ENTPD1: variants seen among roughly 807,000 people sequenced by gnomAD.
ENTPD1 encodes ATP diphosphohydrolase.
In ENTPD1, 33 loss-of-function variants were observed where a neutral mutation model predicts 57.0. The ratio of observed to expected loss-of-function variants is 0.58; its 90% CI spans 0.44 to 0.77. ENTPD1 has a LOEUF of 0.77. Among genes scored for constraint, ENTPD1 ranks in the 30% least tolerant of loss-of-function variants. The pLI is 0.00. For missense variants in ENTPD1, 501 were observed against 603.4 expected (o/e 0.83, Z 1.78); for synonymous variants, 202 against 218.8 (o/e 0.92, Z 0.68).
chr10:95,723,870 C>T (rs1426211857), intron 1 of ENTPD1, among the ~76,000 whole-genome samples: 2 of 152,066 alleles, frequency 1.3e-5, no homozygotes, highest in Admixed American at 6.5e-5. Context: ...TGTTAGAAAG[C>T]CCTTTCCCAG....
chr10:95,772,868 T>C (rs2098120099), intron 1 of ENTPD1, among the ~76,000 whole-genome samples: 1 of 152,206 alleles, frequency 6.6e-6, no homozygotes, highest in South Asian at 2.1e-4. Flanking sequence ...GACTTGAAAG[T>C]CAAAATTACT....
intron 1 of ENTPD1, among the ~76,000 whole-genome samples, chr10:95,740,402 G>A (rs569732183): frequency 6.6e-6 from 1 of 152,318 alleles, no homozygotes; most frequent in South Asian, 2.1e-4. Flanking sequence ...TGGGATTACA[G>A]GCGTGAGCCA....
chr10:95,858,567 C>CA (rs1387980420), intron 7 of ENTPD1, among the ~76,000 whole-genome samples: 1 of 152,028 alleles, frequency 6.6e-6, no homozygotes, highest in Non-Finnish European at 1.5e-5. Context: ...ATTGCAGTAT[C>CA]CACACGAGAT....
chr10:95,842,595 G>C, intron 4 of ENTPD1, 101 bp downstream of exon 4: 1 of 1,336,122 alleles, frequency 7.5e-7, no homozygotes, highest in Non-Finnish European at 1.0e-6. Context: ...AATACCCCAA[G>C]TTCTACACAC....
intron 1 of ENTPD1, among the ~76,000 whole-genome samples, chr10:95,769,020 AATCACCAAATGCT>A (rs1333256735): frequency 6.6e-5 from 10 of 152,222 alleles, no homozygotes; most frequent in African/African-American, 2.4e-4. Flanking sequence ...GGAAAAATGC[AATCACCAAATGCT>A]AGATCCCCAT....
In ENTPD1 at chr10:95,791,635, A is replaced by G. The variant is rs1431813266; in HGVS notation, c.17-31602A>G. Reference sequence around the variant, plus strand: ...TGGAGAATTTTACTGCAGAGGGTAAATACCCATCTTTTAAACAGGATTACC... The same window carrying G: ...TGGAGAATTTTACTGCAGAGGGTAAGTACCCATCTTTTAAACAGGATTACC... On this transcript the variant is annotated intron_variant, in intron 1 of 9. Transcript: ENST00000371205. This position sits in a 1 kb window ranked among gnomAD's most constrained non-coding sequence, Gnocchi z 4.1. Among the ~76,000 whole-genome samples the G allele has an allele frequency of 6.6e-6, 1 of 152,212 alleles. No homozygotes were observed. Among genetic ancestry groups the G allele is most frequent in the Non-Finnish European group, 1.5e-5 (1 of 68,038 alleles).
At chr10:95,739,479 A>G (rs1470579196) in intron 1 of ENTPD1, among the ~76,000 whole-genome samples, 2 of 152,206 alleles carry the variant, frequency 1.3e-5, no homozygotes, top group African/African-American at 4.8e-5. Flanking sequence ...ATTCCATCTC[A>G]AGAAACCAGT....
chr10:95,751,708 T>G (rs2098012256), upstream of ENTPD1, among the ~76,000 whole-genome samples: 1 of 123,282 alleles, frequency 8.1e-6, no homozygotes. Flanking sequence ...GAGTGAGACA[T>G]CGTCTCAAAA....
chr10:95,852,775 G>C (rs2098447698), intron 7 of ENTPD1, among the ~76,000 whole-genome samples: 2 of 152,144 alleles, frequency 1.3e-5, no homozygotes, highest in African/African-American at 4.8e-5. Flanking sequence ...GCTCTGTTCT[G>C]TTCCATTGGT....
intron 1 of ENTPD1, among the ~76,000 whole-genome samples, chr10:95,719,165 C>T (rs190641074): frequency 7.2e-5 from 11 of 152,348 alleles, no homozygotes; most frequent in Admixed American, 2.0e-4. Context: ...CCTTTTGCCA[C>T]TACATCAATT....
At position 95,871,357 on chromosome 10, in the gene ENTPD1, G is replaced by C; in HGVS notation, c.*4974G>C. ...ATTACTTCTAAGACATCATCAGTCT[G>C]CAACTTCTTTCCATAGCCTTAATCA... is the stretch of plus-strand genomic sequence containing the variant. On this transcript the variant is annotated 3_prime_UTR_variant, in exon 10 of 10. Coordinates refer to ENST00000371205, the MANE Select transcript of ENTPD1 (RefSeq NM_001776.6). The C allele has an allele frequency of 1.0e-6, 1 of 985,384 alleles. No individual in the cohort carries two copies. The highest frequency in any genetic ancestry group is 1.2e-6 in the Non-Finnish European group (1 of 829,890). The allele number at this position is 985,384 out of a possible 1,614,324, so 61.0% of individuals were successfully genotyped here.
chr10:95,801,291 G>T (rs2140337274), intron 1 of ENTPD1, among the ~76,000 whole-genome samples: 1 of 152,164 alleles, frequency 6.6e-6, no homozygotes, highest in Non-Finnish European at 1.5e-5. Context: ...TGTCTGGAAT[G>T]GTATTGTCTA....
chr10:95,849,833 G>A (rs1287967142), intron 7 of ENTPD1, among the ~76,000 whole-genome samples: 2 of 152,174 alleles, frequency 1.3e-5, no homozygotes, highest in Admixed American at 6.5e-5. Context: ...TTTTTTTTGG[G>A]CCAGGGCCCT....
the ENTPD1 span, among the ~76,000 whole-genome samples, chr10:95,703,830 C>A: frequency 6.8e-6 from 1 of 146,060 alleles, no homozygotes; most frequent in African/African-American, 2.5e-5. Flanking sequence ...GTGGCTCACA[C>A]CTGTAATCCC....
intron 1 of ENTPD1, among the ~76,000 whole-genome samples, chr10:95,822,885 G>A (rs2098358634): frequency 6.6e-6 from 1 of 152,110 alleles, no homozygotes. Flanking sequence ...AAATGAGGAG[G>A]GGTATTCTTG....
At chr10:95,802,478 G>A (rs11188491) in intron 1 of ENTPD1, among the ~76,000 whole-genome samples, 11,164 of 150,880 alleles carry the variant, frequency 0.074, 447 homozygotes, top group African/African-American at 0.098. Context: ...AAAATTATGC[G>A]TTAAGTTCTA....
intron 8 of ENTPD1, 80 bp from the exon 9 acceptor site, chr10:95,864,644 A>C (rs1254764138): frequency 3.0e-5 from 47 of 1,587,054 alleles, no homozygotes; most frequent in African/African-American, 4.0e-5. Flanking sequence ...CCCTCTCTTC[A>C]TCAGGGCTAG....
intron 1 of ENTPD1, among the ~76,000 whole-genome samples, chr10:95,813,827 T>C (rs1214328848): frequency 6.6e-6 from 1 of 152,212 alleles, no homozygotes; most frequent in Non-Finnish European, 1.5e-5. Flanking sequence ...AGAGAGTTTA[T>C]AAAGGCAAGG....
intron 1 of ENTPD1, among the ~76,000 whole-genome samples, chr10:95,729,853 A>C (rs181764755): frequency 6.6e-6 from 1 of 152,334 alleles, no homozygotes; most frequent in African/African-American, 2.4e-5. Context: ...TTAAGACAAT[A>C]ACAGCGAGAT....
Sources: gnomAD v4.1 joint callset for allele counts (sites outside exome capture counted in the v4.1 genomes callset) on GRCh38, gnomAD v4.1.1 for gene constraint, Gnocchi (gnomAD v3.1) non-coding constraint, MANE v1.5 for transcripts, NCBI Gene and HGNC (gene_info 2026-07-23, HGNC 2026-07-21) for gene names.